GLDC: variants seen among roughly 807,000 people sequenced by gnomAD.
GLDC encodes glycine decarboxylase.
A neutral mutation model predicts 121.3 loss-of-function variants in GLDC; 104 were observed. That is an observed-to-expected ratio of 0.86 (90% CI 0.73 to 1.01). GLDC has a LOEUF of 1.01. Ranked by LOEUF, GLDC falls within the 50% of genes least tolerant of loss-of-function variation. The probability of loss-of-function intolerance (pLI) is 0.00; values close to 1 mark genes in which losing one functional copy is unlikely to be tolerated. For missense variants in GLDC, 1,429 were observed against 1,306.6 expected, an observed-to-expected ratio of 1.09 and a Z score of -1.44; for synonymous variants, 546 against 480.6, an observed-to-expected ratio of 1.14 and a Z score of -1.78.
intron 22 of GLDC, among the ~76,000 whole-genome samples, chr9:6,539,180 TTATAA>T (rs1429815145): frequency 1.1e-4 from 16 of 152,290 alleles, no homozygotes; most frequent in African/African-American, 3.6e-4. Context: ...TTTCATATTA[TTATAA>T]TAGTAATATT....
chr9:6,613,246 C>T (rs1008229968), intron 3 of GLDC, among the ~76,000 whole-genome samples: 3 of 152,288 alleles, frequency 2.0e-5, no homozygotes, highest in Admixed American at 6.5e-5. Flanking sequence ...AATAAAATCA[C>T]TTAATTTCCA....
chr9:6,564,898 G>C (rs1174996049), intron 16 of GLDC, among the ~76,000 whole-genome samples: 2 of 152,222 alleles, frequency 1.3e-5, no homozygotes, highest in Non-Finnish European at 2.9e-5. Context: ...TCATCTAATG[G>C]AGAATTTATT....
At chr9:6,584,168 C>G (rs1818221262) in intron 15 of GLDC, among the ~76,000 whole-genome samples, 1 of 152,178 alleles carries the variant, frequency 6.6e-6, no homozygotes. Context: ...AGATTCAAAA[C>G]TTTTTGTGAC....
chr9:6,580,613 A>C (rs1371208995), intron 15 of GLDC, among the ~76,000 whole-genome samples: 2 of 152,086 alleles, frequency 1.3e-5, no homozygotes, highest in Admixed American at 6.6e-5. Context: ...CAGATCCCAA[A>C]TAGAGGAGAG....
At chr9:6,588,523 C>T (rs1403814748) in intron 13 of GLDC, 81 bp from the exon 14 acceptor site, 1 of 1,426,068 alleles carries the variant, frequency 7.0e-7, no homozygotes, top group Non-Finnish European at 9.9e-7. Flanking sequence ...CCCAGCATGG[C>T]CACCCCTTTG....
intron 11 of GLDC, 69 bp from the exon 12 acceptor site, chr9:6,589,361 C>A: frequency 1.1e-6 from 1 of 878,222 alleles, no homozygotes. Flanking sequence ...ATCCAGGCTT[C>A]TGGGTGGCTG....
At chr9:6,553,132 G>A (rs1168110963) in intron 20 of GLDC, among the ~76,000 whole-genome samples, 9 of 152,150 alleles carry the variant, frequency 5.9e-5, no homozygotes, top group Admixed American at 1.3e-4. Context: ...TTTCTCTGAT[G>A]TTAAACCCAC....
chr9:6,551,204 G>A lies in GLDC; in HGVS notation c.2458-290C>T, dbSNP rs937558060. On this transcript the variant is annotated intron_variant, in intron 20 of 24. Coordinates refer to ENST00000321612, the MANE Select transcript of GLDC (RefSeq NM_000170.3). The stretch of plus-strand genomic sequence containing the variant: ...CTGACTACTGTGTTATCTAAAGAGA[G>A]AAAAGAATTGTTCTTAAATTACATG... Among the ~76,000 whole-genome samples the A allele has an allele frequency of 4.6e-5, 7 of 152,230 alleles. No individual in the cohort carries two copies. In the East Asian group the frequency reaches 1.2e-3, roughly 25 times the overall value.
At chr9:6,546,886 T>G (rs1316707624) in intron 21 of GLDC, among the ~76,000 whole-genome samples, 1 of 151,906 alleles carries the variant, frequency 6.6e-6, no homozygotes, top group Admixed American at 6.6e-5. Context: ...CGCTTGAACC[T>G]GGGAGGCGGA....
chr9:6,533,985 G>A (rs10975631), intron 24 of GLDC: 30,814 of 151,784 alleles, frequency 0.2, 3,510 homozygotes, highest in East Asian at 0.49. Context: ...GGCCGGGGTG[G>A]GCGGATCACG....
At position 6,579,173 on chromosome 9, in the gene GLDC, A is replaced by C. The variant is rs566046878; in HGVS notation, c.1850+7968T>G. ...TTTTCCTTAGGCAAGAAAAGAGTTA[A>C]CTGATTTCACTGGATCTTTCAAATA... On this transcript the variant is annotated intron_variant, in intron 15 of 24. Coordinates refer to ENST00000321612, the MANE Select transcript of GLDC (RefSeq NM_000170.3). 2.0e-5 allele frequency among the ~76,000 whole-genome samples: 3 copies of C among 152,262 alleles called. No individual in the cohort carries two copies. The East Asian group carries it at 5.8e-4, about 29-fold the overall frequency.
intron 2 of GLDC, among the ~76,000 whole-genome samples, chr9:6,640,795 C>T (rs1819615584): frequency 6.6e-6 from 1 of 152,152 alleles, no homozygotes; most frequent in African/African-American, 2.4e-5. Flanking sequence ...AAGTAACTGG[C>T]TTTGGTCATA....
At chr9:6,603,065 T>TA (rs1818650677) in intron 7 of GLDC, among the ~76,000 whole-genome samples, 1 of 151,616 alleles carries the variant, frequency 6.6e-6, no homozygotes, top group East Asian at 2.0e-4. Context: ...CCATCTCTAC[T>TA]AAAAATACAA....
At chr9:6,574,153 A>C (rs1474480843) in intron 15 of GLDC, among the ~76,000 whole-genome samples, 1 of 144,578 alleles carries the variant, frequency 6.9e-6, no homozygotes, top group Non-Finnish European at 1.6e-5. Context: ...AGTGGTTCTC[A>C]CGCTCAGTCT....
intron 2 of GLDC, among the ~76,000 whole-genome samples, chr9:6,620,928 G>C (rs1477322163): frequency 6.6e-6 from 1 of 152,202 alleles, no homozygotes; most frequent in Non-Finnish European, 1.5e-5. Context: ...AGCACTTTGA[G>C]AGGCTGAGGT....
At chr9:6,537,592 G>A (rs1817157746) in intron 22 of GLDC, among the ~76,000 whole-genome samples, 1 of 152,106 alleles carries the variant, frequency 6.6e-6, no homozygotes, top group South Asian at 2.1e-4. Flanking sequence ...ACCTGCCTGG[G>A]CAACATGGCA....
chr9:6,601,944 G>A (rs576639987), intron 8 of GLDC, among the ~76,000 whole-genome samples, 165 bp downstream of exon 8: 1 of 152,032 alleles, frequency 6.6e-6, no homozygotes, highest in African/African-American at 2.4e-5. Context: ...ACTGTATTTT[G>A]GTTCTCATAA....
At chr9:6,543,389 G>C (rs938151692) in intron 21 of GLDC, among the ~76,000 whole-genome samples, 1 of 152,120 alleles carries the variant, frequency 6.6e-6, no homozygotes, top group African/African-American at 2.4e-5. Context: ...AGACACAGTG[G>C]GGGAGGAGGC....
intron 11 of GLDC, among the ~76,000 whole-genome samples, chr9:6,589,851 T>A (rs1818342869): frequency 6.6e-6 from 1 of 152,148 alleles, no homozygotes; most frequent in Non-Finnish European, 1.5e-5. Context: ...GGTCAGGAGA[T>A]CGAGGCCATC....
Sources: gnomAD v4.1 joint callset for allele counts (sites outside exome capture counted in the v4.1 genomes callset) on GRCh38, gnomAD v4.1.1 for gene constraint, MANE v1.5 for transcripts, NCBI Gene and HGNC (gene_info 2026-07-23, HGNC 2026-07-21) for gene names.